The following ZMYM1 variants were observed in gnomAD, a reference collection of about 807,000 sequenced individuals.
ZMYM1 encodes the protein zinc finger MYM-type containing 1, also known as zinc finger MYM-type protein 1.
In ZMYM1, 39 loss-of-function variants were observed where a neutral mutation model predicts 60.0. That is an observed-to-expected ratio of 0.65 (90% confidence interval 0.50 to 0.85). The LOEUF (loss-of-function observed/expected upper bound fraction) is 0.85, where lower values mean the gene tolerates loss of function less well. Among genes scored for constraint, ZMYM1 ranks in the 40% least tolerant of loss-of-function variants. The pLI is 0.00. For missense variants in ZMYM1, 1,171 were observed against 1,309.5 expected, an observed-to-expected ratio of 0.89 and a Z score of 1.63; for synonymous variants, 413 against 454.0, an observed-to-expected ratio of 0.91 and a Z score of 1.15.
intron 4 of ZMYM1, 49 bp from the exon 5 acceptor site, chr1:35,104,246 T>G: frequency 7.0e-7 from 1 of 1,432,732 alleles, no homozygotes; most frequent in Non-Finnish European, 9.4e-7. Flanking sequence ...AAAGAGAAGT[T>G]ATAATTGTGT....
upstream of ZMYM1, among the ~76,000 whole-genome samples, chr1:35,075,751 T>C (rs1642155837): frequency 1.3e-5 from 2 of 152,216 alleles, no homozygotes; most frequent in South Asian, 4.1e-4. Flanking sequence ...CAAGTGGGGC[T>C]ATCTCATGGT....
chr1:35,097,468 A>T lies in ZMYM1; in HGVS notation c.321A>T (p.Gly107=). The change falls in exon 4 of 10, where the codon GGA becomes GGT. Residue 107 remains glycine (G), a synonymous_variant. Transcript: ENST00000359858. The part of the protein sequence containing the change: ...QKGQTAYQRK[G]SAQLFCSIPC... ...GGCAAACTGCTTATCAGAGGAAAGG[A>T]TCTGCTCAACTTTTCTGCTCCATAC... The T allele has an allele frequency of 1.9e-6, 3 of 1,614,112 alleles. No individual in the cohort carries two copies. Among genetic ancestry groups the T allele is most frequent in the Non-Finnish European group, 2.5e-6 (3 of 1,180,016 alleles).
rs1398793434 is a variant in ZMYM1, at chr1:35,114,880, A to G, written c.3050A>G (p.Tyr1017Cys). The change falls in exon 10 of 10, where the codon TAT becomes TGT. Residue 1017 changes from tyrosine to cysteine, a missense_variant. Tyr to Cys is a radical substitution (Grantham distance 194). Transcript: ENST00000359858. The stretch of plus-strand genomic sequence containing the variant: ...ACAGCAAAACATGTTCAGGAATTTT[A>G]TAAACTTGATGAGGACATTATCCCA... ...ETTAKHVQEFYKLDEDIIPEL... is the reference protein window; with the variant it reads ...ETTAKHVQEFCKLDEDIIPEL... The G allele has an allele frequency of 1.6e-5, 26 of 1,606,876 alleles. No homozygotes were observed. Among genetic ancestry groups the G allele is most frequent in the Non-Finnish European group, 2.2e-5 (26 of 1,175,526 alleles).
chr1:35,065,077 G>A (rs1178020424), intron 1 of ZMYM1, among the ~76,000 whole-genome samples: 2 of 151,960 alleles, frequency 1.3e-5, no homozygotes, highest in East Asian at 3.9e-4. Context: ...ACAATTTATC[G>A]AAATTTGTGG....
chr1:35,109,571 T>C (rs986864577), intron 6 of ZMYM1, among the ~76,000 whole-genome samples: 2 of 152,164 alleles, frequency 1.3e-5, no homozygotes, highest in Non-Finnish European at 2.9e-5. Flanking sequence ...CACAGTATCT[T>C]GTAAGGTATT....
Position 35,115,100 on chromosome 1 carries a change from G to A in ZMYM1, c.3270G>A (p.Leu1090=), listed in dbSNP as rs1362548112. The change falls in exon 10 of 10, where the codon CTG becomes CTA. Residue 1090 remains leucine, a synonymous_variant. Coordinates refer to ENST00000359858, the MANE Select transcript of ZMYM1 (RefSeq NM_024772.5). ...SASTENSFST[L]PRLKTYLCNT... ...GTACTGAGAACTCATTTTCTACCCT[G>A]CCTCGTCTTAAGACATATTTATGTA... is the stretch of plus-strand genomic sequence containing the variant. 6.2e-7 allele frequency: 1 copy of A among 1,613,852 alleles called. No homozygotes were observed. Among genetic ancestry groups the A allele is most frequent in the Admixed American group, 1.7e-5 (1 of 59,976 alleles).
upstream of ZMYM1, chr1:35,078,979 T>G (rs1393757768): frequency 6.6e-6 from 1 of 152,170 alleles, no homozygotes; most frequent in Non-Finnish European, 1.5e-5. Context: ...TCATATTTTT[T>G]TTTTTTGAGT....
At chr1:35,099,362 T>C (rs1041818545) in intron 4 of ZMYM1, among the ~76,000 whole-genome samples, 6 of 152,148 alleles carry the variant, frequency 3.9e-5, no homozygotes, top group African/African-American at 1.4e-4. Flanking sequence ...GTCATAAAAC[T>C]GGAAGGGACC....
Position 35,115,727 on chromosome 1 carries a change from T to C in ZMYM1, c.*468T>C, listed in dbSNP as rs1387291939. 6.6e-6 allele frequency: 1 copy of C among 152,448 alleles called. No individual in the cohort carries two copies. Among genetic ancestry groups the C allele is most frequent in the Non-Finnish European group, 1.5e-5 (1 of 68,278 alleles). 9.4% of individuals were successfully genotyped at this position (152,448 alleles called of 1,614,324 possible). ...TAAGCTGGAAATCTAAAGTTAGAATTACTAGGTTAAGATATGTGCATTTTT... is the reference window on the plus strand; with the variant it reads ...TAAGCTGGAAATCTAAAGTTAGAATCACTAGGTTAAGATATGTGCATTTTT... On this transcript the variant is annotated 3_prime_UTR_variant, in exon 10 of 10. Transcript: ENST00000359858.
downstream of ZMYM1, among the ~76,000 whole-genome samples, chr1:35,118,206 A>G (rs1421330555): frequency 2.0e-5 from 3 of 148,156 alleles, no homozygotes; most frequent in Non-Finnish European, 3.0e-5. Context: ...GTGCCATTGC[A>G]CTCCAGCCTG....
At chr1:35,092,920 C>T (rs1033378760) in intron 1 of ZMYM1, among the ~76,000 whole-genome samples, 2 of 152,074 alleles carry the variant, frequency 1.3e-5, no homozygotes, top group Admixed American at 6.6e-5. Context: ...CCACTGTGCC[C>T]AGCCAACTTC....
intron 2 of ZMYM1, 104 bp downstream of exon 2, chr1:35,094,187 C>A (rs1163418721): frequency 2.2e-6 from 2 of 912,184 alleles, no homozygotes; most frequent in African/African-American, 3.4e-5. Context: ...AAATCCTTAT[C>A]TCCTCCAAAG....
rs1644162092 is a variant in ZMYM1, at chr1:35,113,340, A to G, written c.1510A>G (p.Lys504Glu). The G allele has an allele frequency of 6.2e-7, 1 of 1,612,620 alleles. No homozygotes were observed. Among genetic ancestry groups the G allele is most frequent in the African/African-American group, 1.3e-5 (1 of 74,842 alleles). Reference protein sequence around the residue: ...SFATHGTSNWKKTLEKFRKHE... With the variant: ...SFATHGTSNWEKTLEKFRKHE... ...TGCAACCCACGGAACTTCTAATTGG[A>G]AAAAAACCCTGGAAAAATTCAGAAA... The change falls in exon 10 of 10, where the codon AAA becomes GAA. Residue 504 changes from lysine to glutamate, a missense_variant. Lys to Glu is a moderately conservative substitution (Grantham distance 56). Coordinates refer to ENST00000359858, the MANE Select transcript of ZMYM1 (RefSeq NM_024772.5).
chr1:35,082,531 A>G (rs1642442722), intron 1 of ZMYM1, among the ~76,000 whole-genome samples: 1 of 150,980 alleles, frequency 6.6e-6, no homozygotes, highest in African/African-American at 2.4e-5. Context: ...GGGTTTCACC[A>G]TGTTGGCCAG....
chr1:35,061,270 C>G (rs1427406247), intron 1 of ZMYM1, among the ~76,000 whole-genome samples: 1 of 152,176 alleles, frequency 6.6e-6, no homozygotes, highest in African/African-American at 2.4e-5. Flanking sequence ...TTAATCCTCA[C>G]CATAACTCAA....
intron 3 of ZMYM1, 124 bp downstream of exon 3, chr1:35,096,015 G>A: frequency 1.4e-6 from 1 of 734,716 alleles, no homozygotes; most frequent in Non-Finnish European, 2.3e-6. Context: ...GAAGTAACCT[G>A]TAAGAAAATG....
chr1:35,110,229 G>T (rs1644040746), intron 6 of ZMYM1, 65 bp from the exon 7 acceptor site: 1 of 1,205,636 alleles, frequency 8.3e-7, no homozygotes, highest in Non-Finnish European at 1.1e-6. Context: ...AGTGGTAATA[G>T]GTTCTTCTTC....
At chr1:35,105,027 G>A (rs1011785210) in intron 6 of ZMYM1, among the ~76,000 whole-genome samples, 1 of 151,192 alleles carries the variant, frequency 6.6e-6, no homozygotes, top group Non-Finnish European at 1.5e-5. Flanking sequence ...TTATAAACTA[G>A]AAATAAGTAT....
At chr1:35,075,138 T>C (rs1642145286), upstream of ZMYM1, among the ~76,000 whole-genome samples, 1 of 152,192 alleles carries the variant, frequency 6.6e-6, no homozygotes. Context: ...TTGTCATACA[T>C]AATGACCTTG....
Sources: allele counts gnomAD v4.1 joint callset (sites outside exome capture counted in the v4.1 genomes callset), GRCh38; gene constraint gnomAD v4.1.1; transcripts MANE v1.5; gene names NCBI Gene and HGNC (gene_info 2026-07-23, HGNC 2026-07-21).